Variants in PGBD2 observed in about 807,000 individuals in gnomAD.
The protein encoded by PGBD2 is piggyBac transposable element derived 2, also known as piggyBac transposable element-derived protein 2.
PGBD2 carries 6 observed loss-of-function variants against 8.1 expected under a neutral mutation model. That is an observed-to-expected ratio of 0.74 (90% CI 0.40 to 1.46). The LOEUF (loss-of-function observed/expected upper bound fraction) is 1.46. Among genes scored for constraint, PGBD2 ranks in the 40% most tolerant of loss-of-function variants. The probability of loss-of-function intolerance (pLI) is 0.02; values close to 1 mark genes in which losing one functional copy is unlikely to be tolerated. For missense variants in PGBD2, 802 were observed against 739.0 expected (o/e 1.09, Z -0.99); for synonymous variants, 318 against 272.2 (o/e 1.17, Z -1.66).
downstream of PGBD2, among the ~76,000 whole-genome samples, chr1:248,922,035 A>G (rs539074275): frequency 3.9e-4 from 59 of 151,444 alleles, no homozygotes; most frequent in African/African-American, 1.4e-3. Context: ...TTTTGGACTG[A>G]GACAATGGGG....
Position 248,917,694 on chromosome 1 carries a change from C to G in PGBD2, c.1110C>G (p.Ala370=). 6.2e-7 allele frequency: 1 copy of G among 1,614,106 alleles called. No homozygotes were observed. The highest frequency in any genetic ancestry group is 8.5e-7 in the Non-Finnish European group (1 of 1,180,032). Residue 370 remains alanine, a synonymous_variant, in exon 3 of 3, where the codon GCC becomes GCG. Coordinates refer to ENST00000329291, the MANE Select transcript of PGBD2 (RefSeq NM_170725.3). ...TTTTGAGGAAAAAGGGGGTGAAAGC[C>G]ACAGGAACTGTTCGTGAGTACAGGA... The part of the protein sequence containing the change: ...MSILRKKGVK[A]TGTVREYRTE...
chr1:248,909,086 G>C (rs149724819), intron 1 of PGBD2, among the ~76,000 whole-genome samples: 48 of 152,308 alleles, frequency 3.2e-4, no homozygotes, highest in African/African-American at 1.1e-3. Context: ...TGATAGTGTG[G>C]CTGCCTAACA....
At chr1:248,921,686 C>G (rs958776138), downstream of PGBD2, among the ~76,000 whole-genome samples, 1 of 152,140 alleles carries the variant, frequency 6.6e-6, no homozygotes, top group South Asian at 2.1e-4. Context: ...TCAGTGTTAG[C>G]TCGATGTGGA....
chr1:248,879,663 G>T, the PGBD2 span, among the ~76,000 whole-genome samples: 9 of 152,056 alleles, frequency 5.9e-5, no homozygotes, highest in Admixed American at 2.6e-4. Context: ...GCCTCCTAAA[G>T]TGTTGAGATT....
At chr1:248,897,814 G>T in the PGBD2 span, among the ~76,000 whole-genome samples, 1 of 152,120 alleles carries the variant, frequency 6.6e-6, no homozygotes, top group Non-Finnish European at 1.5e-5. Flanking sequence ...GGCAGCGACT[G>T]GAGACTGCCT....
At position 248,917,597 on chromosome 1, in the gene PGBD2, T is replaced by C; in HGVS notation, c.1013T>C (p.Leu338Pro). Residue 338 changes from leucine (L) to proline (P), a missense_variant, in exon 3 of 3, where the codon CTT becomes CCT. Transcript: ENST00000329291. ...ATGGTAATAAAATTTGTGGATGCGC[T>C]TCAGGAGCGTGGTTTTCTGCCATAT... The part of the protein sequence containing the change: ...GSMVIKFVDA[L>P]QERGFLPYHI... 1 of 1,614,174 alleles carries C rather than the reference T, an allele frequency of 6.2e-7. No homozygotes were observed. Among genetic ancestry groups the C allele is most frequent in the Non-Finnish European group, 8.5e-7 (1 of 1,180,034 alleles).
the PGBD2 span, among the ~76,000 whole-genome samples, chr1:248,891,686 C>A: frequency 6.6e-6 from 1 of 152,202 alleles, no homozygotes; most frequent in East Asian, 1.9e-4. Flanking sequence ...AAAAATCAGC[C>A]AGGCACAGAT....
chr1:248,901,994 C>T (rs184691557), upstream of PGBD2, among the ~76,000 whole-genome samples: 39 of 152,246 alleles, frequency 2.6e-4, no homozygotes, highest in Admixed American at 5.9e-4. Flanking sequence ...GAAGGCTGGA[C>T]GAAATGGTTC....
At position 248,918,423 on chromosome 1, in the gene PGBD2, A is replaced by T; in HGVS notation, c.*60A>T. The T allele has an allele frequency of 6.8e-7, 1 of 1,471,314 alleles. No individual in the cohort carries two copies. Among genetic ancestry groups the T allele is most frequent in the Non-Finnish European group, 9.1e-7 (1 of 1,098,308 alleles). The allele number at this position is 1,471,314 out of a possible 1,614,324, so 91.1% of individuals were successfully genotyped here. ...ATGTTTACAGTTAAATACAGATGGC[A>T]GTTGAGCACTTCTGTTTTGTGTTGG... is the stretch of plus-strand genomic sequence containing the variant. On this transcript the variant is annotated 3_prime_UTR_variant, in exon 3 of 3. Coordinates refer to ENST00000329291, the MANE Select transcript of PGBD2 (RefSeq NM_170725.3).
intron 2 of PGBD2, among the ~76,000 whole-genome samples, chr1:248,915,230 G>T (rs748672022): frequency 6.6e-6 from 1 of 152,172 alleles, no homozygotes; most frequent in Non-Finnish European, 1.5e-5. Context: ...TGTACCCATC[G>T]CCAGCCCCTG....
At chr1:248,892,270 C>CCTCT in the PGBD2 span, among the ~76,000 whole-genome samples, 1 of 128,012 alleles carries the variant, frequency 7.8e-6, no homozygotes, top group South Asian at 2.3e-4. Context: ...TCCCTCCCTC[C>CCTCT]CTCCCTTCCT....
the PGBD2 span, among the ~76,000 whole-genome samples, chr1:248,886,500 G>T: frequency 2.0e-5 from 3 of 152,198 alleles, no homozygotes; most frequent in Non-Finnish European, 4.4e-5. Flanking sequence ...ATACCACTGA[G>T]ATATTGAACA....
At chr1:248,916,130 T>C (rs1330941524) in intron 2 of PGBD2, among the ~76,000 whole-genome samples, 1 of 152,228 alleles carries the variant, frequency 6.6e-6, no homozygotes, top group Non-Finnish European at 1.5e-5. Context: ...GCAGAATCTG[T>C]GGGCCGGGTG....
chr1:248,903,688 G>C (rs191217992), upstream of PGBD2, among the ~76,000 whole-genome samples: 29 of 152,270 alleles, frequency 1.9e-4, no homozygotes, highest in East Asian at 5.0e-3. Flanking sequence ...TTGGCATCTG[G>C]TTCTTTCTTC....
chr1:248,876,538 A>T, the PGBD2 span, among the ~76,000 whole-genome samples: 1 of 152,184 alleles, frequency 6.6e-6, no homozygotes, highest in Non-Finnish European at 1.5e-5. Context: ...TTTGTAAAAG[A>T]GATGTCTCTA....
intron 2 of PGBD2, chr1:248,914,627 G>C (rs963311202): frequency 2.3e-6 from 3 of 1,283,554 alleles, no homozygotes. Flanking sequence ...TCCTCACGTA[G>C]AGGTTGGGGC....
At chr1:248,902,391 T>C (rs777234140), upstream of PGBD2, among the ~76,000 whole-genome samples, 2 of 152,228 alleles carry the variant, frequency 1.3e-5, no homozygotes, top group Non-Finnish European at 2.9e-5. Flanking sequence ...TTTTACACTG[T>C]TGGTTCAAAT....
At chr1:248,885,630 A>G in the PGBD2 span, among the ~76,000 whole-genome samples, 1 of 152,202 alleles carries the variant, frequency 6.6e-6, no homozygotes, top group Non-Finnish European at 1.5e-5. Context: ...TAGTGAGGGT[A>G]GGGACCCCAG....
the PGBD2 span, among the ~76,000 whole-genome samples, chr1:248,927,586 A>G: frequency 2.0e-5 from 3 of 152,230 alleles, no homozygotes; most frequent in Non-Finnish European, 2.9e-5. Context: ...GAGACATTAT[A>G]TAACACATGT....
Sources: allele counts gnomAD v4.1 joint callset (sites outside exome capture counted in the v4.1 genomes callset), GRCh38; gene constraint gnomAD v4.1.1; transcripts MANE v1.5; gene names NCBI Gene and HGNC (gene_info 2026-07-23, HGNC 2026-07-21).